SLC22A13: variants seen among roughly 807,000 people sequenced by gnomAD.
SLC22A13 encodes solute carrier family 22 member 13, also known as organic anion transporter 10.
A neutral mutation model predicts 49.1 loss-of-function variants in SLC22A13; 42 were observed. That is an observed-to-expected ratio of 0.85 (90% CI 0.67 to 1.11). The LOEUF is 1.11. Ranked by LOEUF, SLC22A13 falls within the 50% of genes least tolerant of loss-of-function variation. SLC22A13 has a pLI of 0.00. For synonymous variants in SLC22A13, 282 were observed against 293.1 expected (o/e 0.96, Z 0.39); for missense variants, 694 against 712.8 (o/e 0.97, Z 0.30).
Position 38,277,566 on chromosome 3 carries a change from G to A in SLC22A13, c.*101G>A, listed in dbSNP as rs1703602601. 1.2e-6 allele frequency: 1 copy of A among 809,134 alleles called. No individual in the cohort carries two copies. The highest frequency in any genetic ancestry group is 2.0e-6 in the Non-Finnish European group (1 of 499,706). The allele number at this position is 809,134 out of a possible 1,614,324, so 50.1% of individuals were successfully genotyped here. A position where few individuals can be genotyped will look rare whatever the true frequency, so the allele number is the denominator to read the frequency against. On this transcript the variant is annotated 3_prime_UTR_variant, in exon 10 of 10. Transcript: ENST00000311856. ...AGGGACACAGGGCAAGACCAGCCTT[G>A]CTTATGGAGGCAGGACACCACAATC...
At chr3:38,276,177 C>T in intron 7 of SLC22A13, 81 bp downstream of exon 7, 7 of 1,502,116 alleles carry the variant, frequency 4.7e-6, no homozygotes, top group Non-Finnish European at 6.4e-6. Flanking sequence ...CATTGTTCTG[C>T]TTCCAGGAGT....
chr3:38,272,540 A>C (rs765691488), intron 1 of SLC22A13, among the ~76,000 whole-genome samples: 1 of 152,324 alleles, frequency 6.6e-6, no homozygotes, highest in East Asian at 1.9e-4. Flanking sequence ...GGCCTTTATT[A>C]TTAGTTATTT....
Position 38,275,965 on chromosome 3 carries a change from T to C in SLC22A13, c.1106T>C (p.Phe369Ser). The C allele has an allele frequency of 1.2e-6, 2 of 1,614,178 alleles. No homozygotes were observed. The highest frequency in any genetic ancestry group is 2.2e-5 in the South Asian group (2 of 91,086). Residue 369 changes from phenylalanine (F) to serine (S), a missense_variant, in exon 7 of 10, where the codon TTT becomes TCT. Physicochemically the swap from Phe to Ser is radical, Grantham distance 155. Transcript: ENST00000311856. ...GLDVYLTQLI[F>S]GAVEVPARCS... Reference sequence around the variant, plus strand: ...GACGTCTATCTGACGCAGCTCATCTTTGGAGCTGTTGAGGTGCCTGCCCGC... The same window carrying C: ...GACGTCTATCTGACGCAGCTCATCTCTGGAGCTGTTGAGGTGCCTGCCCGC...
chr3:38,267,575 G>C (rs1703476921), intron 1 of SLC22A13, among the ~76,000 whole-genome samples: 2 of 152,144 alleles, frequency 1.3e-5, no homozygotes, highest in African/African-American at 2.4e-5. Context: ...ACTACTCTAG[G>C]CCTTCTTCAC....
At chr3:38,270,122 G>A (rs112497835) in intron 1 of SLC22A13, among the ~76,000 whole-genome samples, 5,207 of 152,020 alleles carry the variant, frequency 0.034, 104 homozygotes, top group Middle Eastern at 0.12. Flanking sequence ...TATCATTTTT[G>A]GACATTTGGG....
chr3:38,275,246 T>A (rs1421249744), intron 4 of SLC22A13, 89 bp downstream of exon 4: 2 of 1,591,508 alleles, frequency 1.3e-6, no homozygotes, highest in Non-Finnish European at 1.7e-6. Flanking sequence ...CATAGGACAG[T>A]CAGAGGTGAG....
chr3:38,268,497 C>T (rs1306859512), intron 1 of SLC22A13, among the ~76,000 whole-genome samples: 2 of 152,238 alleles, frequency 1.3e-5, no homozygotes, highest in Non-Finnish European at 2.9e-5. Flanking sequence ...TCTTAAGCTG[C>T]ACATTTATGC....
At chr3:38,272,203 A>C (rs748250124) in intron 1 of SLC22A13, among the ~76,000 whole-genome samples, 1 of 152,234 alleles carries the variant, frequency 6.6e-6, no homozygotes, top group Non-Finnish European at 1.5e-5. Context: ...CAGGTGTGCC[A>C]GCCTTAGAAG....
intron 4 of SLC22A13, 99 bp from the exon 5 acceptor site, chr3:38,275,271 C>T (rs1703566164): frequency 6.3e-7 from 1 of 1,589,114 alleles, no homozygotes; most frequent in African/African-American, 1.3e-5. Flanking sequence ...GGAGAGGGAG[C>T]CTGTCACAGC....
intron 1 of SLC22A13, among the ~76,000 whole-genome samples, chr3:38,270,118 T>A (rs1034220844): frequency 3.3e-5 from 5 of 152,146 alleles, no homozygotes; most frequent in African/African-American, 1.2e-4. Flanking sequence ...AGTCTATCAT[T>A]TTTGGACATT....
In SLC22A13 at chr3:38,274,703, G is replaced by A. The variant is rs751138333; in HGVS notation, c.582G>A (p.Leu194=). The A allele has an allele frequency of 6.2e-7, 1 of 1,614,196 alleles. No homozygotes were observed. The change falls in exon 3 of 10, where the codon CTG becomes CTA. Residue 194 remains leucine, a synonymous_variant. Coordinates refer to ENST00000311856, the MANE Select transcript of SLC22A13 (RefSeq NM_004256.4). ...FVPSFELYMA[L]RFAVATAVAG... The stretch of plus-strand genomic sequence containing the variant: ...CCAGCTTTGAGCTCTACATGGCCCT[G>A]CGCTTTGCTGTGGCTACTGCCGTCG...
chr3:38,274,422 T>A (rs769118443), intron 2 of SLC22A13, 47 bp downstream of exon 2: 2 of 1,543,326 alleles, frequency 1.3e-6, no homozygotes, highest in Non-Finnish European at 9.0e-7. Flanking sequence ...GCTCGTCAGC[T>A]CTGGCACAGG....
At chr3:38,274,960 G>T (rs746062101) in intron 3 of SLC22A13, 29 bp from the exon 4 acceptor site, 1 of 1,610,366 alleles carries the variant, frequency 6.2e-7, no homozygotes, top group Non-Finnish European at 8.5e-7. Flanking sequence ...GCAGGGATTA[G>T]CCCTGTCTCA....
intron 1 of SLC22A13, among the ~76,000 whole-genome samples, chr3:38,267,689 C>G (rs1475703081): frequency 1.3e-5 from 2 of 152,126 alleles, no homozygotes; most frequent in African/African-American, 4.8e-5. Context: ...CTCTAGTGGT[C>G]AGGAAAGGTC....
chr3:38,274,779 G>A (rs1349728195), intron 3 of SLC22A13, 21 bp downstream of exon 3: 2 of 1,607,944 alleles, frequency 1.2e-6, no homozygotes, highest in Non-Finnish European at 1.7e-6. Context: ...GGGCCCTGGA[G>A]CCTTCAGCCA....
At chr3:38,270,467 A>C (rs1165424111) in intron 1 of SLC22A13, 1 of 217,108 alleles carries the variant, frequency 4.6e-6, no homozygotes, top group Non-Finnish European at 9.9e-6. Flanking sequence ...GATAGCGGTG[A>C]GTTATCACAG....
rs140102692 is a variant in SLC22A13, at chr3:38,271,430, G to A, written c.379-2842G>A. Among the ~76,000 whole-genome samples, 625 of 151,670 alleles carry A rather than the reference G, an allele frequency of 4.1e-3. 4 individuals are homozygous for A. The highest frequency in any genetic ancestry group is 0.021 in the South Asian group (99 of 4,802). ...AAAATAAAATAATCAGCCAGGCATG[G>A]TGGCACATGCCTATAGTCTCAGCTA... On this transcript the variant is annotated intron_variant, in intron 1 of 9. Transcript: ENST00000311856.
chr3:38,270,718 G>T, intron 1 of SLC22A13: 1 of 167,880 alleles, frequency 6.0e-6, no homozygotes, highest in Non-Finnish European at 1.3e-5. Flanking sequence ...ATATCGGTAT[G>T]TTTTACCAAT....
chr3:38,273,837 G>A (rs1575390812), intron 1 of SLC22A13, among the ~76,000 whole-genome samples: 3 of 152,270 alleles, frequency 2.0e-5, no homozygotes, highest in Admixed American at 2.0e-4. Context: ...TTACTGATAA[G>A]ATGTATGCAC....
Sources: allele counts gnomAD v4.1 joint callset (sites outside exome capture counted in the v4.1 genomes callset), GRCh38; gene constraint gnomAD v4.1.1; transcripts MANE v1.5; gene names NCBI Gene and HGNC (gene_info 2026-07-23, HGNC 2026-07-21).